Variants in MAB21L4 observed in about 807,000 individuals in gnomAD.
MAB21L4 encodes the protein mab-21 like 4.
A neutral mutation model predicts 32.4 loss-of-function variants in MAB21L4; 25 were observed. That is an observed-to-expected ratio of 0.77 (90% CI 0.56 to 1.08). MAB21L4 has a LOEUF of 1.08. MAB21L4 is among the 50% of genes least tolerant of loss of function. The probability of loss-of-function intolerance (pLI) is 0.00; values close to 1 mark genes in which losing one functional copy is unlikely to be tolerated. For synonymous variants in MAB21L4, 280 were observed against 276.8 expected (o/e 1.01, Z -0.11); for missense variants, 638 against 611.0 (o/e 1.04, Z -0.47).
rs772781785 is a variant in MAB21L4 at position 240,891,632 on chromosome 2, C to A, written c.646G>T (p.Gly216Trp). The change falls in exon 2 of 5, where the codon GGG (glycine) becomes TGG (tryptophan). Residue 216 changes from glycine (G) to tryptophan (W), a missense_variant. By Grantham distance (184) the Gly-to-Trp change is radical. Transcript: ENST00000388934. ...RRKLGAPALE[G>W]VQQMPGFPEG... ...GGGAATCCGGGCATCTGCTGCACCC[C>A]CTCCAGGGCAGGCGCCCCAAGCTTC... The A allele has an allele frequency of 1.9e-6, 3 of 1,609,326 alleles. No individual in the cohort carries two copies. Among genetic ancestry groups the A allele is most frequent in the Non-Finnish European group, 2.5e-6 (3 of 1,179,972 alleles).
chr2:240,892,458 T>A (rs2059158576), intron 1 of MAB21L4, among the ~76,000 whole-genome samples: 1 of 151,780 alleles, frequency 6.6e-6, no homozygotes. Context: ...GGGACCAGTC[T>A]ACATGATGGG....
rs199655663 is a variant in MAB21L4, at chr2:240,887,141, C to T, written c.1273G>A (p.Asp425Asn). The T allele has an allele frequency of 4.8e-4, 771 of 1,614,150 alleles. 2 individuals are homozygous for T. Among genetic ancestry groups the T allele is most frequent in the Non-Finnish European group, 6.0e-4 (711 of 1,180,006 alleles). ...TGCATGGCAGAGATCCGGTCCTTATCCTGGATGTTGAAGACCTGGAACTAC... is the reference window on the plus strand; with the variant it reads ...TGCATGGCAGAGATCCGGTCCTTATTCTGGATGTTGAAGACCTGGAACTAC... Reference protein sequence around the residue: ...LDKFQVFNIQDKDRISAMQSI... With the variant: ...LDKFQVFNIQNKDRISAMQSI... Residue 425 changes from aspartate (D) to asparagine (N), a missense_variant, in exon 5 of 5, where the codon GAT (aspartate) becomes AAT (asparagine). By Grantham distance (23) the Asp-to-Asn change is conservative (BLOSUM62 1). Transcript: ENST00000388934.
rs779654199 is a variant in MAB21L4 at position 240,895,853 on chromosome 2, G to A, written c.145C>T (p.Arg49Cys). The A allele has an allele frequency of 8.3e-6, 13 of 1,568,196 alleles. No individual in the cohort carries two copies. Among genetic ancestry groups the A allele is most frequent in the Middle Eastern group, 3.5e-4 (2 of 5,732 alleles). ...AAGCGGGGGTCCAGGGCATGCACGCGCTCCAGCACCGTGAGCAGCACGTTC... is the reference window on the plus strand; with the variant it reads ...AAGCGGGGGTCCAGGGCATGCACGCACTCCAGCACCGTGAGCAGCACGTTC... ...AENVLLTVLE[R>C]VHALDPRFIV... The change falls in exon 1 of 5, where the codon CGC becomes TGC. Residue 49 changes from arginine (R) to cysteine (C), a missense_variant. Physicochemically the swap from Arg to Cys is radical, Grantham distance 180 (BLOSUM62 -3). Coordinates refer to ENST00000388934, the MANE Select transcript of MAB21L4 (RefSeq NM_001085437.3).
intron 1 of MAB21L4, chr2:240,892,022 C>T: frequency 6.7e-7 from 1 of 1,491,520 alleles, no homozygotes; most frequent in East Asian, 2.5e-5. Flanking sequence ...AGCTCAGCGA[C>T]TTGCAGCACC....
intron 3 of MAB21L4, 54 bp from the exon 4 acceptor site, chr2:240,888,702 G>A: frequency 1.6e-6 from 2 of 1,282,746 alleles, no homozygotes; most frequent in Non-Finnish European, 2.0e-6. Context: ...CCCACCCTGT[G>A]CTCCCACCCT....
intron 4 of MAB21L4, among the ~76,000 whole-genome samples, chr2:240,887,877 C>T (rs754718669): frequency 6.6e-5 from 10 of 152,102 alleles, no homozygotes; most frequent in African/African-American, 4.8e-5. Context: ...CCAAGGAGCA[C>T]GGCTGTGGAT....
At position 240,888,149 on chromosome 2, in the gene MAB21L4, C is replaced by T. The variant is rs10184936; in HGVS notation, c.1251+143G>A. The T allele has an allele frequency of 7.5e-3, 5,014 of 667,510 alleles. 143 individuals are homozygous for T. The highest frequency in any genetic ancestry group is 0.073 in the African/African-American group (3,771 of 51,568). 41.3% of individuals were successfully genotyped at this position (667,510 alleles called of 1,614,324 possible). On this transcript the variant is annotated intron_variant, in intron 4 of 4. Coordinates refer to ENST00000388934, the MANE Select transcript of MAB21L4 (RefSeq NM_001085437.3). Reference sequence around the variant, plus strand: ...CCCAGACATCACATGTCCCCGCAGACGCTCTCCATCCGAGCCCTGACCTGG... The same window carrying T: ...CCCAGACATCACATGTCCCCGCAGATGCTCTCCATCCGAGCCCTGACCTGG...
intron 1 of MAB21L4, among the ~76,000 whole-genome samples, chr2:240,892,269 C>CA (rs1443226994): frequency 2.6e-5 from 4 of 152,130 alleles, no homozygotes; most frequent in Non-Finnish European, 4.4e-5. Context: ...GCTGGGGCCA[C>CA]AGGGCTCCCA....
At chr2:240,887,304 A>G (rs1268564816) in intron 4 of MAB21L4, 142 bp from the exon 5 acceptor site, 1 of 671,082 alleles carries the variant, frequency 1.5e-6, no homozygotes. Flanking sequence ...CTGCCTGGAC[A>G]GGCATCCTAG....
upstream of MAB21L4, among the ~76,000 whole-genome samples, chr2:240,896,594 G>A (rs1057155055): frequency 1.2e-4 from 18 of 152,190 alleles, no homozygotes; most frequent in African/African-American, 4.3e-4. Flanking sequence ...GACTCTCTAA[G>A]GCTGCCTGGA....
In MAB21L4 at chr2:240,888,538, C is replaced by G; in HGVS notation, c.1005G>C (p.Arg335=). 1 of 1,608,558 alleles carries G rather than the reference C, an allele frequency of 6.2e-7. No homozygotes were observed. The highest frequency in any genetic ancestry group is 8.5e-7 in the Non-Finnish European group (1 of 1,179,358). ...GCGGGTGGAGGAAGTGGGGCAGCTT[C>G]CGCGTGGCCAGGCAACAGAGCAGCA... The part of the protein sequence containing the change: ...LVVLLCCLAT[R]KLPHFLHPQR... The change falls in exon 4 of 5, where the codon CGG becomes CGC. Residue 335 remains arginine (R), a synonymous_variant. Coordinates refer to ENST00000388934, the MANE Select transcript of MAB21L4 (RefSeq NM_001085437.3).
At chr2:240,890,687 C>A (rs2059137393) in intron 2 of MAB21L4, among the ~76,000 whole-genome samples, 1 of 152,210 alleles carries the variant, frequency 6.6e-6, no homozygotes, top group Non-Finnish European at 1.5e-5. Flanking sequence ...CTTCAAGGAG[C>A]CACAACAGGG....
At position 240,887,011 on chromosome 2, in the gene MAB21L4, G is replaced by T. The variant is rs1449719899; in HGVS notation, c.*59C>A. 1.5e-6 allele frequency: 2 copies of T among 1,297,844 alleles called. No homozygotes were observed. Among genetic ancestry groups the T allele is most frequent in the South Asian group, 1.2e-5 (1 of 84,104 alleles). The allele number at this position is 1,297,844 out of a possible 1,614,324, so 80.4% of individuals were successfully genotyped here. On this transcript the variant is annotated 3_prime_UTR_variant, in exon 5 of 5. Coordinates refer to ENST00000388934, the MANE Select transcript of MAB21L4 (RefSeq NM_001085437.3). ...CCAAACATCCCAGGAGCCTCCCATG[G>T]TGCAGTGCAGAGTCTGTTGGGGAGC...
intron 1 of MAB21L4, chr2:240,892,047 C>T (rs1331628276): frequency 1.2e-5 from 17 of 1,471,350 alleles, no homozygotes; most frequent in Middle Eastern, 1.9e-4. Flanking sequence ...ATGACAGCAG[C>T]GTCCTACATG....
At chr2:240,893,390 T>G (rs1191816972) in intron 1 of MAB21L4, among the ~76,000 whole-genome samples, 1 of 152,134 alleles carries the variant, frequency 6.6e-6, no homozygotes, top group African/African-American at 2.4e-5. Flanking sequence ...TTCCCATCAA[T>G]GAAAGAGAAG....
rs567876372 is a variant in MAB21L4, at chr2:240,890,466, G to A, written c.741-308C>T. ...TGCCCAGGTTGGAACCACTCAGCCC[G>A]GGGGTGTGACAGCTCCACTCATGGC... On this transcript the variant is annotated intron_variant, in intron 2 of 4. Transcript: ENST00000388934. Among the ~76,000 whole-genome samples, 51 of 152,336 alleles carry A rather than the reference G, an allele frequency of 3.3e-4. 2 individuals carry two copies. In the East Asian group the frequency reaches 8.9e-3, roughly 26 times the overall value.
chr2:240,887,032 G>T lies in MAB21L4; in HGVS notation c.*38C>A. 2 of 1,511,202 alleles carry T rather than the reference G, an allele frequency of 1.3e-6. No homozygotes were observed. Among genetic ancestry groups the T allele is most frequent in the Non-Finnish European group, 1.8e-6 (2 of 1,086,868 alleles). The allele number at this position is 1,511,202 out of a possible 1,614,324, so 93.6% of individuals were successfully genotyped here. On this transcript the variant is annotated 3_prime_UTR_variant, in exon 5 of 5. Coordinates refer to ENST00000388934, the MANE Select transcript of MAB21L4 (RefSeq NM_001085437.3). ...CATGGTGCAGTGCAGAGTCTGTTGG[G>T]GAGCCAAGAACAGGTGGCTGAGACC...
intron 1 of MAB21L4, chr2:240,892,153 A>C: frequency 2.0e-6 from 2 of 989,508 alleles, no homozygotes; most frequent in Non-Finnish European, 2.8e-6. Flanking sequence ...ACTCTGCCCC[A>C]GCCCTGGGGC....
intron 4 of MAB21L4, among the ~76,000 whole-genome samples, chr2:240,887,408 G>A (rs897574443): frequency 6.6e-6 from 1 of 152,248 alleles, no homozygotes; most frequent in Non-Finnish European, 1.5e-5. Context: ...GGCCCCACAC[G>A]GTGCTGCTTG....
Sources: gnomAD v4.1 joint callset for allele counts (sites outside exome capture counted in the v4.1 genomes callset) on GRCh38, gnomAD v4.1.1 for gene constraint, MANE v1.5 for transcripts, NCBI Gene and HGNC (gene_info 2026-07-23, HGNC 2026-07-21) for gene names.